PIGN: variants seen among roughly 807,000 people sequenced by gnomAD.
The protein encoded by PIGN is phosphatidylinositol glycan anchor biosynthesis class N, also known as GPI ethanolamine phosphate transferase 1.
A neutral mutation model predicts 125.4 loss-of-function variants in PIGN; 117 were observed. The observed-to-expected ratio is 0.93, with a 90% CI of 0.80 to 1.09. PIGN has a LOEUF of 1.09. PIGN is among the 50% of genes least tolerant of loss of function. The pLI is 0.00. For missense variants in PIGN, 1,075 were observed against 1,094.9 expected, an observed-to-expected ratio of 0.98 and a Z score of 0.26; for synonymous variants, 392 against 377.8, an observed-to-expected ratio of 1.04 and a Z score of -0.44.
At chr18:62,070,089 C>T (rs1279114730) in intron 30 of PIGN, 2 of 219,004 alleles carry the variant, frequency 9.1e-6, no homozygotes, top group South Asian at 1.8e-4. Context: ...AGATGCCAGG[C>T]ACTATGCTAA....
chr18:62,018,179 G>A (rs184189338), intron 23 of PIGN, among the ~76,000 whole-genome samples: 4 of 152,320 alleles, frequency 2.6e-5, no homozygotes, highest in Admixed American at 2.6e-4. Context: ...GGAAAGCAGG[G>A]CTGGCTCCGG....
At chr18:62,065,716 A>C (rs1256050849) in intron 30 of PIGN, among the ~76,000 whole-genome samples, 2 of 152,288 alleles carry the variant, frequency 1.3e-5, no homozygotes, top group African/African-American at 2.4e-5. Flanking sequence ...AGCCTGGGTG[A>C]CAGAGCGAGA....
Position 62,088,860 on chromosome 18 carries a change from A to T in PIGN, c.2284-18T>A. 2.2e-6 allele frequency: 3 copies of T among 1,351,096 alleles called. No homozygotes were observed. Among genetic ancestry groups the T allele is most frequent in the Non-Finnish European group, 3.1e-6 (3 of 965,198 alleles). The allele number at this position is 1,351,096 out of a possible 1,614,324, so 83.7% of individuals were successfully genotyped here. Reference sequence around the variant, plus strand: ...CTGGTGAGCTGTGAGATAATAAGAAAAATATTAATGCACAATAACAGTTGG... The same window carrying T: ...CTGGTGAGCTGTGAGATAATAAGAATAATATTAATGCACAATAACAGTTGG... On this transcript the variant is annotated intron_variant, in intron 24 of 30. Transcript: ENST00000640252.
At chr18:62,130,546 A>AG (rs1439455858) in intron 14 of PIGN, among the ~76,000 whole-genome samples, 1 of 152,096 alleles carries the variant, frequency 6.6e-6, no homozygotes, top group Non-Finnish European at 1.5e-5. Context: ...GTTAAAAAAA[A>AG]AGAGAGAAAT....
downstream of PIGN, among the ~76,000 whole-genome samples, chr18:62,039,463 C>A (rs767915226): frequency 6.6e-6 from 1 of 151,836 alleles, no homozygotes; most frequent in Non-Finnish European, 1.5e-5. Flanking sequence ...ATCCAGGATG[C>A]CGCACCCCAT....
At chr18:62,025,211 T>G (rs886724675) in intron 23 of PIGN, among the ~76,000 whole-genome samples, 8 of 152,228 alleles carry the variant, frequency 5.3e-5, no homozygotes, top group Non-Finnish European at 1.2e-4. Context: ...TACACCTGTA[T>G]GGTATTTGAT....
chr18:62,026,817 C>T (rs1388351035), intron 23 of PIGN, among the ~76,000 whole-genome samples: 1 of 152,224 alleles, frequency 6.6e-6, no homozygotes, highest in African/African-American at 2.4e-5. Context: ...CCTTAGTCAT[C>T]ACAGAACAAT....
At chr18:62,177,032 C>G (rs1005096924) in intron 1 of PIGN, among the ~76,000 whole-genome samples, 9 of 151,934 alleles carry the variant, frequency 5.9e-5, no homozygotes, top group African/African-American at 2.2e-4. Flanking sequence ...TATAAACCAC[C>G]GCAAGTTTTA....
intron 22 of PIGN, among the ~76,000 whole-genome samples, chr18:62,099,640 G>C (rs2034357579): frequency 6.6e-6 from 1 of 152,050 alleles, no homozygotes; most frequent in Non-Finnish European, 1.5e-5. Flanking sequence ...GAACAGAATA[G>C]AGAACCCAGA....
At chr18:62,087,811 T>C in intron 25 of PIGN, among the ~76,000 whole-genome samples, 1 of 151,988 alleles carries the variant, frequency 6.6e-6, no homozygotes, top group East Asian at 1.9e-4. Context: ...AAAAGTAAAA[T>C]AGTCACACTT....
chr18:62,027,921 AAAAG>A (rs754135730), intron 23 of PIGN, among the ~76,000 whole-genome samples: 16 of 152,100 alleles, frequency 1.1e-4, no homozygotes, highest in African/African-American at 3.6e-4. Flanking sequence ...AAAAAAGAAA[AAAAG>A]AAAGAAAGAA....
At chr18:62,047,518 C>A (rs922412690) in intron 30 of PIGN, among the ~76,000 whole-genome samples, 1 of 152,170 alleles carries the variant, frequency 6.6e-6, no homozygotes, top group Non-Finnish European at 1.5e-5. Flanking sequence ...GCAAAGGGGA[C>A]CTCTGTCTTT....
chr18:62,139,590 G>A (rs924123427), intron 12 of PIGN, among the ~76,000 whole-genome samples: 1 of 152,208 alleles, frequency 6.6e-6, no homozygotes, highest in Non-Finnish European at 1.5e-5. Context: ...GCTAATAAGA[G>A]TGGCTGGTTG....
intron 30 of PIGN, among the ~76,000 whole-genome samples, chr18:62,051,436 G>A (rs2031276475): frequency 6.6e-6 from 1 of 152,124 alleles, no homozygotes; most frequent in Admixed American, 6.5e-5. Flanking sequence ...TTGGGAGGGT[G>A]TATGTGTCGA....
In PIGN at chr18:62,045,756, T is replaced by C; in HGVS notation, c.*100A>G. ...TACCATTTTCCTTACAGGAGTAGAA[T>C]ATACTATATATCCATATCCATCTTC... On this transcript the variant is annotated 3_prime_UTR_variant, in exon 31 of 31. Coordinates refer to ENST00000640252, the MANE Select transcript of PIGN (RefSeq NM_176787.5). 1 of 1,138,032 alleles carries C rather than the reference T, an allele frequency of 8.8e-7. No individual in the cohort carries two copies. The highest frequency in any genetic ancestry group is 1.3e-6 in the Non-Finnish European group (1 of 792,336). The allele number at this position is 1,138,032 out of a possible 1,614,324, so 70.5% of individuals were successfully genotyped here.
intron 14 of PIGN, among the ~76,000 whole-genome samples, chr18:62,130,870 G>T (rs2035709003): frequency 6.6e-6 from 1 of 151,876 alleles, no homozygotes; most frequent in African/African-American, 2.4e-5. Context: ...AGAGAAAGCA[G>T]GATAAAAAGT....
rs551391337 is a variant in PIGN, at chr18:62,182,576, G to T, written c.-236+4268C>A. On this transcript the variant is annotated intron_variant, in intron 1 of 30. Coordinates refer to ENST00000640252, the MANE Select transcript of PIGN (RefSeq NM_176787.5). ...CATTGACACCTCTATAATTTAAGAT[G>T]TATACCATCTCTTATGCGAACTACT... is the stretch of plus-strand genomic sequence containing the variant. Among the ~76,000 whole-genome samples the T allele has an allele frequency of 8.5e-5, 13 of 152,248 alleles. No individual in the cohort carries two copies. In the East Asian group the frequency reaches 2.3e-3, roughly 27 times the overall value.
chr18:62,107,333 G>A (rs2034688750), intron 17 of PIGN: 1 of 396,036 alleles, frequency 2.5e-6, no homozygotes. Flanking sequence ...AGTGGCTCAG[G>A]CCTGTAATCC....
At chr18:62,140,343 A>G in intron 12 of PIGN, 77 bp downstream of exon 12, 1 of 655,796 alleles carries the variant, frequency 1.5e-6, no homozygotes, top group South Asian at 2.0e-5. Context: ...ATTCAGAAAC[A>G]CATAAAAAAG....
Sources: gnomAD v4.1 joint callset for allele counts (sites outside exome capture counted in the v4.1 genomes callset) on GRCh38, gnomAD v4.1.1 for gene constraint, MANE v1.5 for transcripts, NCBI Gene and HGNC (gene_info 2026-07-23, HGNC 2026-07-21) for gene names.